TNKS1BP1: variants seen among roughly 807,000 people sequenced by gnomAD.
The protein encoded by TNKS1BP1 is CCR4-NOT transcription complex subunit 12, also known as 182 kDa tankyrase-1-binding protein.
TNKS1BP1 carries 48 observed loss-of-function variants against 141.1 expected under a neutral mutation model. The ratio of observed to expected loss-of-function variants is 0.34; its 90% CI spans 0.27 to 0.43. TNKS1BP1 has a LOEUF of 0.43. Among genes scored for constraint, TNKS1BP1 ranks in the 20% least tolerant of loss-of-function variants. The pLI, the probability that TNKS1BP1 is intolerant of heterozygous loss-of-function variation, is 1.00. For missense variants in TNKS1BP1, 2,149 were observed against 2,226.0 expected, an observed-to-expected ratio of 0.97 and a Z score of 0.70; for synonymous variants, 875 against 898.2, an observed-to-expected ratio of 0.97 and a Z score of 0.46.
At chr11:57,307,157 G>A (rs2134351999) in intron 6 of TNKS1BP1, among the ~76,000 whole-genome samples, 1 of 152,152 alleles carries the variant, frequency 6.6e-6, no homozygotes, top group South Asian at 2.1e-4. Flanking sequence ...AGAGAAATCA[G>A]GAACAACCAC....
rs757541716 is a variant in TNKS1BP1, at chr11:57,313,894, AAGAG to A, written c.799-9_799-6del. 5 of 1,492,280 alleles carry A rather than the reference AAGAG, an allele frequency of 3.4e-6. No homozygotes were observed. In the East Asian group the frequency reaches 1.2e-4, roughly 35 times the overall value. The allele number at this position is 1,492,280 out of a possible 1,614,324, so 92.4% of individuals were successfully genotyped here. A position where few individuals can be genotyped will look rare whatever the true frequency, so the allele number is the denominator to read the frequency against. On this transcript the variant is annotated splice_region_variant and splice_polypyrimidine_tract_variant and intron_variant, in intron 4 of 11. Transcript: ENST00000358252. Reference sequence around the variant, plus strand: ...GGGAATCCAGGGCTTGGAAATCTGCAAGAGAAAGAAAGGTCAAGATCCGTCACTC... The same window carrying A: ...GGGAATCCAGGGCTTGGAAATCTGCAAAAGAAAGGTCAAGATCCGTCACTC...
rs753333949 is a variant in TNKS1BP1 at position 57,302,511 on chromosome 11, G to A, written c.4631C>T (p.Pro1544Leu). The A allele has an allele frequency of 2.5e-6, 4 of 1,611,000 alleles. No individual in the cohort carries two copies. The South Asian group carries it at 4.4e-5, about 18-fold the overall frequency. Reference sequence around the variant, plus strand: ...GGATCTGGCAGGAGGGCCTTGGGAGGGTCGCCGAGAAGTCTGTGCTGGCCC... The same window carrying A: ...GGATCTGGCAGGAGGGCCTTGGGAGAGTCGCCGAGAAGTCTGTGCTGGCCC... ...DQGPAQTSRRPSQGPPARSPS... is the reference protein window; with the variant it reads ...DQGPAQTSRRLSQGPPARSPS... Residue 1544 changes from proline (P) to leucine (L), a missense_variant, in exon 7 of 12, where the codon CCC (proline) becomes CTC (leucine). Physicochemically the swap from Pro to Leu is moderately conservative, Grantham distance 98. Coordinates refer to ENST00000358252, the MANE Select transcript of TNKS1BP1 (RefSeq NM_033396.3). The surrounding 1 kb of genome is among the most constrained non-coding windows in gnomAD (Gnocchi z 5.5).
Position 57,300,406 on chromosome 11 carries a change from T to A in TNKS1BP1, c.*12+122A>T. Reference sequence around the variant, plus strand: ...CGAGTCTCTGGAGCTTGGCTTCACCTGCTGTTTCTAAACTTGCACAGAAAG... The same window carrying A: ...CGAGTCTCTGGAGCTTGGCTTCACCAGCTGTTTCTAAACTTGCACAGAAAG... On this transcript the variant is annotated intron_variant, in intron 11 of 11. Coordinates refer to ENST00000358252, the MANE Select transcript of TNKS1BP1 (RefSeq NM_033396.3). 3 of 877,738 alleles carry A rather than the reference T, an allele frequency of 3.4e-6. No individual in the cohort carries two copies. The South Asian group carries it at 5.0e-5, about 15-fold the overall frequency. 54.4% of individuals were successfully genotyped at this position (877,738 alleles called of 1,614,324 possible).
chr11:57,301,061 G>A lies in TNKS1BP1; in HGVS notation c.4972-20C>T, dbSNP rs1381029055. 3.8e-6 allele frequency: 6 copies of A among 1,594,470 alleles called. No homozygotes were observed. The highest frequency in any genetic ancestry group is 4.3e-6 in the Non-Finnish European group (5 of 1,169,210). On this transcript the variant is annotated intron_variant, in intron 9 of 11. Coordinates refer to ENST00000358252, the MANE Select transcript of TNKS1BP1 (RefSeq NM_033396.3). ...CTTGGCCTGAGAAGCAAGTCCAGAAGCAGATAGATAGTAGAGGGACAGGCA... is the reference window on the plus strand; with the variant it reads ...CTTGGCCTGAGAAGCAAGTCCAGAAACAGATAGATAGTAGAGGGACAGGCA...
intron 9 of TNKS1BP1, 38 bp from the exon 10 acceptor site, chr11:57,301,079 G>A (rs189652839): frequency 1.0e-3 from 1,598 of 1,562,306 alleles, no homozygotes; most frequent in Middle Eastern, 1.5e-3. Context: ...ATAGTAGAGG[G>A]ACAGGCAGTA....
In TNKS1BP1 at chr11:57,313,389, G is replaced by A. The variant is rs758485686; in HGVS notation, c.1299C>T (p.Leu433=). ...TCTCCTGGTCCTGACTGGGTGACTGGAGCACACCTTCAGAGAATCGGCGCT... is the reference window on the plus strand; with the variant it reads ...TCTCCTGGTCCTGACTGGGTGACTGAAGCACACCTTCAGAGAATCGGCGCT... ...LVQRRFSEGV[L]QSPSQDQEKL... The change falls in exon 5 of 12, where the codon CTC becomes CTT. Residue 433 remains leucine, a synonymous_variant. Transcript: ENST00000358252. 1.9e-6 allele frequency: 3 copies of A among 1,612,408 alleles called. No homozygotes were observed. Among genetic ancestry groups the A allele is most frequent in the South Asian group, 2.2e-5 (2 of 90,970 alleles).
chr11:57,317,348 C>T (rs1855813984), intron 4 of TNKS1BP1, among the ~76,000 whole-genome samples: 1 of 152,184 alleles, frequency 6.6e-6, no homozygotes, highest in Non-Finnish European at 1.5e-5. Context: ...AAGGACTCAC[C>T]CCTCTTCTGA....
At position 57,312,611 on chromosome 11, in the gene TNKS1BP1, G is replaced by A. The variant is rs775350511; in HGVS notation, c.2077C>T (p.Pro693Ser). 6.4e-7 allele frequency: 1 copy of A among 1,560,812 alleles called. No individual in the cohort carries two copies. The highest frequency in any genetic ancestry group is 8.7e-7 in the Non-Finnish European group (1 of 1,155,730). ...RWLDDLLASP[P>S]PSGGGARRGA... ...CGCCTTGCACCGCCACCACTGGGTG[G>A]TGGTGAAGCCAGGAGGTCGTCCAGC... is the stretch of plus-strand genomic sequence containing the variant. The change falls in exon 5 of 12, where the codon CCA (proline) becomes TCA (serine). Residue 693 changes from proline (P) to serine (S), a missense_variant. Pro to Ser is a moderately conservative substitution (Grantham distance 74). Transcript: ENST00000358252.
rs758184283 is a variant in TNKS1BP1 at position 57,309,957 on chromosome 11, G to A, written c.2754C>T (p.Tyr918=). 1.2e-6 allele frequency: 2 copies of A among 1,613,976 alleles called. No homozygotes were observed. Among genetic ancestry groups the A allele is most frequent in the South Asian group, 1.1e-5 (1 of 91,076 alleles). ...DLGKRDHHGR[Y]SSQDADEQDW... The stretch of plus-strand genomic sequence containing the variant: ...CCTGCTCATCGGCATCCTGGCTGCT[G>A]TACCTACCATGGTGGTCCCTCTTCC... Residue 918 remains tyrosine, a synonymous_variant, in exon 6 of 12, where the codon TAC becomes TAT. Transcript: ENST00000358252. This position sits in a 1 kb window ranked among gnomAD's most constrained non-coding sequence, Gnocchi z 4.3.
chr11:57,309,638 C>CG lies in TNKS1BP1; in HGVS notation c.3072dup (p.Gly1025ArgfsTer7). Reference sequence around the variant, plus strand: ...GCAGTGCTAGGACTGAACAAGCCCCCGGATCCTCTCTCTCCTGGCCGGCCA... The same window carrying CG: ...GCAGTGCTAGGACTGAACAAGCCCCCGGGATCCTCTCTCTCCTGGCCGGCCA... On this transcript the variant is annotated frameshift_variant, in exon 6 of 12. Transcript: ENST00000358252. LOFTEE classifies it high-confidence loss of function. This position sits in a 1 kb window ranked among gnomAD's most constrained non-coding sequence, Gnocchi z 4.3. The CG allele has an allele frequency of 1.9e-6, 3 of 1,614,166 alleles. No homozygotes were observed. Among genetic ancestry groups the CG allele is most frequent in the Non-Finnish European group, 2.5e-6 (3 of 1,180,030 alleles).
At chr11:57,301,216 A>G (rs1440203334) in intron 9 of TNKS1BP1, among the ~76,000 whole-genome samples, 175 bp from the exon 10 acceptor site, 2 of 152,140 alleles carry the variant, frequency 1.3e-5, no homozygotes, top group Non-Finnish European at 1.5e-5. Flanking sequence ...CGCAGAACTG[A>G]GCTATGCCTT....
chr11:57,317,936 T>TGCC lies in TNKS1BP1; in HGVS notation c.729-50_729-49insGGC. The TGCC allele has an allele frequency of 1.9e-6, 3 of 1,571,444 alleles. No homozygotes were observed. The South Asian group carries it at 3.3e-5, about 17-fold the overall frequency. ...TGGAAGCACGGAATGTTAGAGTCTG[T>TGCC]CACAGAATGGAAAATGTGGGAGAGT... On this transcript the variant is annotated intron_variant, in intron 3 of 11. Coordinates refer to ENST00000358252, the MANE Select transcript of TNKS1BP1 (RefSeq NM_033396.3).
At chr11:57,310,639 G>A in intron 5 of TNKS1BP1, 83 bp from the exon 6 acceptor site, 1 of 1,500,694 alleles carries the variant, frequency 6.7e-7, no homozygotes. Flanking sequence ...AGTCAGCGCT[G>A]CCTAGTGCCT....
chr11:57,318,080 C>G (rs1286547818), intron 3 of TNKS1BP1, among the ~76,000 whole-genome samples, 193 bp from the exon 4 acceptor site: 2 of 152,224 alleles, frequency 1.3e-5, no homozygotes, highest in Non-Finnish European at 2.9e-5. Context: ...GCAAGTGCCC[C>G]AGAAAACAGT....
chr11:57,321,744 T>TGCCCCCCCCCG, intron 2 of TNKS1BP1, 48 bp downstream of exon 2: 3 of 1,039,822 alleles, frequency 2.9e-6, no homozygotes, highest in Non-Finnish European at 4.4e-6. Context: ...CCTCTGTCCT[T>TGCCCCCCCCCG]CCCACCCCCC....
At position 57,313,213 on chromosome 11, in the gene TNKS1BP1, A is replaced by G. The variant is rs778026745; in HGVS notation, c.1475T>C (p.Leu492Pro). Reference sequence around the variant, plus strand: ...GATGGGGGAGGGAGGCGGGGAGTCCAGCCGCCACACGCCCAGACCCGAGGG... The same window carrying G: ...GATGGGGGAGGGAGGCGGGGAGTCCGGCCGCCACACGCCCAGACCCGAGGG... ...TRPSGLGVWR[L>P]DSPPPSPITE... The change falls in exon 5 of 12, where the codon CTG becomes CCG. Residue 492 changes from leucine (L) to proline (P), a missense_variant. Coordinates refer to ENST00000358252, the MANE Select transcript of TNKS1BP1 (RefSeq NM_033396.3). The G allele has an allele frequency of 1.2e-6, 2 of 1,612,484 alleles. No individual in the cohort carries two copies. Among genetic ancestry groups the G allele is most frequent in the South Asian group, 1.1e-5 (1 of 91,088 alleles).
intron 4 of TNKS1BP1, 143 bp downstream of exon 4, chr11:57,317,675 C>T (rs964243239): frequency 2.2e-6 from 2 of 905,696 alleles, no homozygotes; most frequent in African/African-American, 3.3e-5. Context: ...TCGAAAAATC[C>T]CAGGGCCAGC....
At position 57,312,848 on chromosome 11, in the gene TNKS1BP1, T is replaced by G. The variant is rs1257577279; in HGVS notation, c.1840A>C (p.Ile614Leu). 3 of 1,610,244 alleles carry G rather than the reference T, an allele frequency of 1.9e-6. No individual in the cohort carries two copies. In the Admixed American group the frequency reaches 5.0e-5, roughly 27 times the overall value. The stretch of plus-strand genomic sequence containing the variant: ...TCCTGCCCCAGGACTGGCTCCAGGA[T>G]GGGCAAGGCTGCCTCCCTGGTAGCC... ...PLATREAALP[I>L]LEPVLGQEQP... is the part of the protein sequence containing the mutation. Residue 614 changes from isoleucine to leucine, a missense_variant, in exon 5 of 12, where the codon ATC (isoleucine) becomes CTC (leucine). By Grantham distance (5) the Ile-to-Leu change is conservative. Coordinates refer to ENST00000358252, the MANE Select transcript of TNKS1BP1 (RefSeq NM_033396.3).
chr11:57,321,751 C>A (rs754486985), intron 2 of TNKS1BP1, 41 bp downstream of exon 2: 50 of 1,426,542 alleles, frequency 3.5e-5, no homozygotes, highest in Non-Finnish European at 4.3e-5. Context: ...CCTTCCCACC[C>A]CCCTCCCAGC....
Sources: gnomAD v4.1 joint callset for allele counts (sites outside exome capture counted in the v4.1 genomes callset) on GRCh38, gnomAD v4.1.1 for gene constraint, Gnocchi (gnomAD v3.1) non-coding constraint, MANE v1.5 for transcripts, NCBI Gene and HGNC (gene_info 2026-07-23, HGNC 2026-07-21) for gene names.